CDH18: variants seen among roughly 807,000 people sequenced by gnomAD.
The protein encoded by CDH18 is cadherin 18.
A neutral mutation model predicts 67.9 loss-of-function variants in CDH18; 31 were observed. That is an observed-to-expected ratio of 0.46 (90% confidence interval 0.34 to 0.62). CDH18 has a LOEUF of 0.62. CDH18 is among the 20% of genes least tolerant of loss of function. The probability of loss-of-function intolerance (pLI) is 0.01; values close to 1 mark genes in which losing one functional copy is unlikely to be tolerated. For missense variants in CDH18, 890 were observed against 975.5 expected, an observed-to-expected ratio of 0.91 and a Z score of 1.17; for synonymous variants, 362 against 347.2, an observed-to-expected ratio of 1.04 and a Z score of -0.48.
chr5:19,533,441 T>C (rs1479319590), intron 9 of CDH18, among the ~76,000 whole-genome samples: 1 of 152,116 alleles, frequency 6.6e-6, no homozygotes, highest in South Asian at 2.1e-4. Context: ...CAGAGTAAAT[T>C]ATTTCAAGGA....
intron 2 of CDH18, among the ~76,000 whole-genome samples, chr5:20,214,233 G>C (rs1041830321): frequency 3.9e-5 from 6 of 151,956 alleles, no homozygotes; most frequent in African/African-American, 1.4e-4. Context: ...TCATGGATAG[G>C]AAGAATCAAT....
intron 1 of CDH18, among the ~76,000 whole-genome samples, chr5:20,455,702 CT>C (rs965235326): frequency 1.3e-5 from 2 of 151,722 alleles, no homozygotes; most frequent in South Asian, 2.1e-4. Context: ...ACAAATATAA[CT>C]TTTTTATATT....
At chr5:19,754,208 A>G (rs1255670865) in intron 3 of CDH18, among the ~76,000 whole-genome samples, 1 of 152,164 alleles carries the variant, frequency 6.6e-6, no homozygotes, top group Admixed American at 6.5e-5. Context: ...CTTAAAAGAT[A>G]CAGAACTGCA....
chr5:19,801,698 C>G (rs1777490930), intron 3 of CDH18, among the ~76,000 whole-genome samples: 1 of 152,118 alleles, frequency 6.6e-6, no homozygotes, highest in African/African-American at 2.4e-5. Context: ...TTAGCATATT[C>G]TTATTTCTTT....
intron 2 of CDH18, among the ~76,000 whole-genome samples, chr5:20,172,182 C>A: frequency 1.2e-4 from 2 of 16,630 alleles, no homozygotes; most frequent in Non-Finnish European, 2.4e-4. Flanking sequence ...ATATCAATAG[C>A]ATTGTGTGTA....
At chr5:20,506,156 C>G (rs2126464571) in intron 1 of CDH18, among the ~76,000 whole-genome samples, 1 of 152,314 alleles carries the variant, frequency 6.6e-6, no homozygotes, top group East Asian at 1.9e-4. Context: ...TCACCTAATT[C>G]TGACTTAGTG....
intron 8 of CDH18, among the ~76,000 whole-genome samples, chr5:19,558,661 C>T (rs1045278120): frequency 2.0e-5 from 3 of 151,610 alleles, no homozygotes; most frequent in Admixed American, 1.3e-4. Context: ...TAAAAAGTTA[C>T]CAACAACAAA....
At chr5:19,815,401 T>C (rs552319419) in intron 3 of CDH18, among the ~76,000 whole-genome samples, 20 of 152,088 alleles carry the variant, frequency 1.3e-4, no homozygotes, top group South Asian at 1.2e-3. Context: ...TGAGACCTTT[T>C]CTTGTTGTAC....
chr5:20,453,656 T>C (rs1750636851), intron 1 of CDH18, among the ~76,000 whole-genome samples: 1 of 151,954 alleles, frequency 6.6e-6, no homozygotes, highest in Admixed American at 6.6e-5. Flanking sequence ...TTTGGCTGTG[T>C]TGTCTTTCAC....
At position 20,533,424 on chromosome 5, in the gene CDH18, T is replaced by C. The variant is rs1756532900; in HGVS notation, c.-580+42038A>G. Among the ~76,000 whole-genome samples, 3 of 152,134 alleles carry C rather than the reference T, an allele frequency of 2.0e-5. No homozygotes were observed. The South Asian group carries it at 6.2e-4, about 32-fold the overall frequency. ...TTCTATACTTGAAAATCATGCTGCTTACACAGGGAAGCAGTAGACATGCAA... is the reference window on the plus strand; with the variant it reads ...TTCTATACTTGAAAATCATGCTGCTCACACAGGGAAGCAGTAGACATGCAA... On this transcript the variant is annotated intron_variant, in intron 1 of 14. Transcript: ENST00000507958.
chr5:20,467,996 A>AC (rs1751770979), intron 1 of CDH18, among the ~76,000 whole-genome samples: 9 of 95,750 alleles, frequency 9.4e-5, no homozygotes, highest in East Asian at 5.8e-4. Context: ...TTATTTATGT[A>AC]TTTATTTATG....
chr5:19,601,407 A>G (rs1747100448), intron 6 of CDH18, among the ~76,000 whole-genome samples: 1 of 152,220 alleles, frequency 6.6e-6, no homozygotes, highest in South Asian at 2.1e-4. Context: ...AAAATTAGGA[A>G]GAAATGAAAA....
chr5:20,306,492 A>T (rs1208122066), intron 1 of CDH18, among the ~76,000 whole-genome samples: 1 of 150,754 alleles, frequency 6.6e-6, no homozygotes, highest in Non-Finnish European at 1.5e-5. Context: ...CTTGGCTTTT[A>T]ATACTCTGCC....
intron 1 of CDH18, among the ~76,000 whole-genome samples, chr5:20,486,899 T>C (rs1753226774): frequency 6.6e-6 from 1 of 152,178 alleles, no homozygotes; most frequent in African/African-American, 2.4e-5. Context: ...ATATGGTTTT[T>C]GTTGCTGGGA....
chr5:19,537,479 C>T (rs1158292293), intron 9 of CDH18, among the ~76,000 whole-genome samples: 2 of 152,038 alleles, frequency 1.3e-5, no homozygotes, highest in Admixed American at 1.3e-4. Flanking sequence ...CACACACACA[C>T]CCACGCATCC....
chr5:20,453,573 ATGTG>A (rs5866426), intron 1 of CDH18, among the ~76,000 whole-genome samples: 106,724 of 150,634 alleles, frequency 0.71, 38,524 homozygotes, highest in Admixed American at 0.84. Flanking sequence ...GTATATATAT[ATGTG>A]TGTGTGTGTG....
At chr5:20,291,921 T>C (rs1237247136) in intron 1 of CDH18, among the ~76,000 whole-genome samples, 1 of 152,148 alleles carries the variant, frequency 6.6e-6, no homozygotes, top group Non-Finnish European at 1.5e-5. Flanking sequence ...GTCTTAATGC[T>C]TACTCTGATT....
chr5:19,499,257 TAC>T (rs1205856992), intron 11 of CDH18, among the ~76,000 whole-genome samples: 1 of 152,198 alleles, frequency 6.6e-6, no homozygotes, highest in African/African-American at 2.4e-5. Context: ...ACATTACAGT[TAC>T]AGTCTTTGCT....
intron 3 of CDH18, among the ~76,000 whole-genome samples, chr5:19,807,949 C>T (rs1049316320): frequency 5.3e-5 from 8 of 151,924 alleles, no homozygotes; most frequent in Admixed American, 3.3e-4. Flanking sequence ...ACATAGTGAC[C>T]GGAACACAGG....
Sources: gnomAD v4.1 joint callset for allele counts (sites outside exome capture counted in the v4.1 genomes callset) on GRCh38, gnomAD v4.1.1 for gene constraint, MANE v1.5 for transcripts, NCBI Gene and HGNC (gene_info 2026-07-23, HGNC 2026-07-21) for gene names.